The following KCNJ6 variants were observed in gnomAD, a reference collection of about 807,000 sequenced individuals.
KCNJ6 encodes potassium inwardly rectifying channel subfamily J member 6.
A neutral mutation model predicts 34.2 loss-of-function variants in KCNJ6; 9 were observed. The observed-to-expected ratio is 0.26, with a 90% confidence interval of 0.16 to 0.46. The LOEUF (loss-of-function observed/expected upper bound fraction) is 0.46. Among genes scored for constraint, KCNJ6 ranks in the 20% least tolerant of loss-of-function variants. The pLI is 1.00. For missense variants in KCNJ6, 236 were observed against 531.3 expected (o/e 0.44, Z 5.46); for synonymous variants, 196 against 207.1 (o/e 0.95, Z 0.46).
At chr21:37,858,836 A>G (rs920693325) in intron 1 of KCNJ6, among the ~76,000 whole-genome samples, 1 of 152,198 alleles carries the variant, frequency 6.6e-6, no homozygotes, top group African/African-American at 2.4e-5. Flanking sequence ...AAAGGTCAGC[A>G]CTAGATGAAC....
At chr21:37,627,795 G>A (rs2054317852) in intron 3 of KCNJ6, among the ~76,000 whole-genome samples, 1 of 105,250 alleles carries the variant, frequency 9.5e-6, no homozygotes, top group South Asian at 3.2e-4. Context: ...GTGCAAGTAG[G>A]AGGTGAAGGT....
intron 1 of KCNJ6, among the ~76,000 whole-genome samples, chr21:37,846,353 C>CTGTGTGTGTGTGTGTGTG (rs55697215): frequency 2.8e-5 from 4 of 144,960 alleles, no homozygotes; most frequent in Admixed American, 6.9e-5. Context: ...CTGAGACACT[C>CTGTGTGTGTGTGTGTGTG]TGTGTGTGTG....
At chr21:37,880,648 G>A (rs920379409) in intron 1 of KCNJ6, among the ~76,000 whole-genome samples, 3 of 152,188 alleles carry the variant, frequency 2.0e-5, no homozygotes, top group African/African-American at 7.2e-5. Flanking sequence ...TGCATTTTCT[G>A]TTACCGCCCT....
At chr21:37,725,851 G>A (rs558737867) in intron 2 of KCNJ6, among the ~76,000 whole-genome samples, 1 of 152,212 alleles carries the variant, frequency 6.6e-6, no homozygotes, top group South Asian at 2.1e-4. Context: ...CAACATTTTG[G>A]GATCTTCAAC....
At chr21:37,724,158 T>G (rs931496241) in intron 2 of KCNJ6, among the ~76,000 whole-genome samples, 1 of 152,032 alleles carries the variant, frequency 6.6e-6, no homozygotes, top group Non-Finnish European at 1.5e-5. Flanking sequence ...GGGAGTGATA[T>G]GATTGAGTAT....
At chr21:37,911,131 G>T (rs559688405) in intron 1 of KCNJ6, among the ~76,000 whole-genome samples, 2 of 152,272 alleles carry the variant, frequency 1.3e-5, no homozygotes, top group East Asian at 3.9e-4. Context: ...CTAGTACTTT[G>T]CCAGAGGAAA....
At chr21:37,792,009 G>T (rs192306124) in intron 2 of KCNJ6, among the ~76,000 whole-genome samples, 138 of 152,262 alleles carry the variant, frequency 9.1e-4, no homozygotes, top group African/African-American at 3.2e-3. Context: ...AATTGAGCAG[G>T]GTTTTTAAAT....
intron 2 of KCNJ6, among the ~76,000 whole-genome samples, chr21:37,741,510 C>T (rs2123476546): frequency 6.6e-6 from 1 of 152,296 alleles, no homozygotes; most frequent in Non-Finnish European, 1.5e-5. Context: ...TGGTTTCCTC[C>T]CTTGGCCCCT....
At chr21:37,763,666 C>T (rs1189455426) in intron 2 of KCNJ6, among the ~76,000 whole-genome samples, 1 of 152,200 alleles carries the variant, frequency 6.6e-6, no homozygotes, top group Non-Finnish European at 1.5e-5. Flanking sequence ...AGATACATGG[C>T]TGTTTTTCTC....
At chr21:37,696,084 C>T (rs1169182397) in intron 3 of KCNJ6, among the ~76,000 whole-genome samples, 1 of 152,202 alleles carries the variant, frequency 6.6e-6, no homozygotes, top group African/African-American at 2.4e-5. Flanking sequence ...GGGAAAAGCT[C>T]TTCCTTATAG....
chr21:37,817,641 C>G (rs2055352782), intron 2 of KCNJ6, among the ~76,000 whole-genome samples: 1 of 152,206 alleles, frequency 6.6e-6, no homozygotes, highest in African/African-American at 2.4e-5. Flanking sequence ...TTAGCCTGTG[C>G]ATGACCCTTT....
chr21:37,828,796 C>A (rs534784383), intron 2 of KCNJ6, among the ~76,000 whole-genome samples: 2 of 152,324 alleles, frequency 1.3e-5, no homozygotes, highest in African/African-American at 4.8e-5. Flanking sequence ...AAACATGCTG[C>A]CTTCTCCCAG....
intron 2 of KCNJ6, among the ~76,000 whole-genome samples, chr21:37,726,428 A>C (rs2054854875): frequency 2.0e-5 from 3 of 152,216 alleles, no homozygotes; most frequent in Admixed American, 2.0e-4. Flanking sequence ...TGGAAAAAGC[A>C]CGTGGTACAT....
At chr21:37,861,542 A>G (rs75977089) in intron 1 of KCNJ6, among the ~76,000 whole-genome samples, 2 of 152,206 alleles carry the variant, frequency 1.3e-5, no homozygotes, top group Admixed American at 1.3e-4. Flanking sequence ...TTTTGAGGGC[A>G]TGCAATTTAG....
Position 37,714,414 on chromosome 21 carries a change from G to A in KCNJ6, c.743C>T (p.Ser248Leu), listed in dbSNP as rs1226431908. ...RAKLIKSKQT[S>L]EGEFIPLNQT... ...GTTCAACGGGATGAACTCCCCCTCC[G>A]AGGTCTGTTTGGATTTGATCAACTT... The change falls in exon 3 of 4, where the codon TCG becomes TTG. Residue 248 changes from serine (S) to leucine (L), a missense_variant. Physicochemically the swap from Ser to Leu is moderately radical, Grantham distance 145. This residue lies in a region of KCNJ6 where 60 missense variants were observed against 207.3 expected (regional missense o/e 0.29). Coordinates refer to ENST00000609713, the MANE Select transcript of KCNJ6 (RefSeq NM_002240.5). This position sits in a 1 kb window ranked among gnomAD's most constrained non-coding sequence, Gnocchi z 5.9. The A allele has an allele frequency of 3.7e-6, 6 of 1,614,078 alleles. No individual in the cohort carries two copies. The highest frequency in any genetic ancestry group is 2.2e-5 in the East Asian group (1 of 44,878).
intron 3 of KCNJ6, among the ~76,000 whole-genome samples, chr21:37,684,218 G>T (rs1480307020): frequency 6.6e-6 from 1 of 152,142 alleles, no homozygotes; most frequent in Admixed American, 6.5e-5. Context: ...GGGAGGTCTG[G>T]TCCAGGCCTC....
intron 1 of KCNJ6, among the ~76,000 whole-genome samples, chr21:37,908,399 A>G (rs2055851774): frequency 6.6e-6 from 1 of 152,250 alleles, no homozygotes; most frequent in African/African-American, 2.4e-5. Flanking sequence ...AACAATGACT[A>G]TTAGTAGACT....
chr21:37,748,042 G>A (rs2054976319), intron 2 of KCNJ6, among the ~76,000 whole-genome samples: 1 of 152,168 alleles, frequency 6.6e-6, no homozygotes, highest in South Asian at 2.1e-4. Flanking sequence ...ACAGGCTTGT[G>A]ACTTGTAATG....
chr21:37,744,464 C>T (rs535238074), intron 2 of KCNJ6, among the ~76,000 whole-genome samples: 90 of 152,212 alleles, frequency 5.9e-4, no homozygotes, highest in Admixed American at 1.6e-3. Flanking sequence ...AGGTTAGGAA[C>T]GGGTCTCCTC....
Sources: gnomAD v4.1 joint callset for allele counts (sites outside exome capture counted in the v4.1 genomes callset) on GRCh38, gnomAD v4.1.1 for gene constraint, gnomAD v4.1.1 regional missense constraint, Gnocchi (gnomAD v3.1) non-coding constraint, MANE v1.5 for transcripts, NCBI Gene and HGNC (gene_info 2026-07-23, HGNC 2026-07-21) for gene names.